ARHGAP23: variants seen among roughly 807,000 people sequenced by gnomAD.
ARHGAP23 encodes the protein Rho GTPase activating protein 23.
A neutral mutation model predicts 136.3 loss-of-function variants in ARHGAP23; 34 were observed. The observed-to-expected ratio is 0.25, with a 90% CI of 0.19 to 0.33. ARHGAP23 has a LOEUF of 0.33. Ranked by LOEUF, ARHGAP23 falls within the 10% of genes least tolerant of loss-of-function variation. The probability of loss-of-function intolerance (pLI) is 1.00; values close to 1 mark genes in which losing one functional copy is unlikely to be tolerated. For missense variants in ARHGAP23, 1,808 were observed against 2,139.0 expected (o/e 0.85, Z 3.05); for synonymous variants, 832 against 920.5 (o/e 0.90, Z 1.74).
chr17:38,453,207 G>A (rs889822436), intron 1 of ARHGAP23, among the ~76,000 whole-genome samples: 3 of 152,118 alleles, frequency 2.0e-5, no homozygotes, highest in Admixed American at 6.5e-5. Flanking sequence ...GATGTCTGAG[G>A]TGTGTGTATA....
intron 1 of ARHGAP23, among the ~76,000 whole-genome samples, chr17:38,443,705 TTTCA>T (rs1424615259): frequency 1.6e-4 from 24 of 150,994 alleles, no homozygotes; most frequent in Non-Finnish European, 3.3e-4. Context: ...GGGTGGGTGG[TTTCA>T]GGGGTGGGGC....
chr17:38,428,624 G>A (rs2038614381), intron 1 of ARHGAP23, 76 bp downstream of exon 1: 3 of 1,048,304 alleles, frequency 2.9e-6, no homozygotes, highest in Admixed American at 4.1e-5. Flanking sequence ...GGGTCGCTGC[G>A]ACCCCGCTCG....
intron 20 of ARHGAP23, among the ~76,000 whole-genome samples, chr17:38,492,883 T>C (rs1467425678): frequency 2.0e-5 from 3 of 152,110 alleles, no homozygotes; most frequent in Non-Finnish European, 2.9e-5. Flanking sequence ...CGTGAGGGTG[T>C]GTTTTGGGGG....
intron 1 of ARHGAP23, among the ~76,000 whole-genome samples, chr17:38,449,895 T>G (rs28698714): frequency 0.48 from 72,905 of 152,008 alleles, 19,392 homozygotes; most frequent in African/African-American, 0.72. Flanking sequence ...CTCACTTCCT[T>G]AACCACACGC....
At chr17:38,444,031 C>G (rs2038977640) in intron 1 of ARHGAP23, among the ~76,000 whole-genome samples, 1 of 152,144 alleles carries the variant, frequency 6.6e-6, no homozygotes, top group Admixed American at 6.5e-5. Context: ...TCCCCTGCCT[C>G]TAGGAATGAC....
intron 16 of ARHGAP23, among the ~76,000 whole-genome samples, 182 bp from the exon 17 acceptor site, chr17:38,485,880 G>GAGGGGC (rs1319382589): frequency 6.6e-6 from 1 of 152,218 alleles, no homozygotes. Context: ...AAGTGTGAGT[G>GAGGGGC]TGGGCACAGG....
At chr17:38,474,388 G>C (rs1055996471) in intron 11 of ARHGAP23, among the ~76,000 whole-genome samples, 1 of 152,196 alleles carries the variant, frequency 6.6e-6, no homozygotes, top group African/African-American at 2.4e-5. Context: ...AGAGATTCCA[G>C]GGGAAGGAGG....
chr17:38,475,896 T>C (rs948181663), intron 11 of ARHGAP23, among the ~76,000 whole-genome samples: 13 of 151,852 alleles, frequency 8.6e-5, no homozygotes, highest in African/African-American at 3.1e-4. Context: ...GGAGGTGACG[T>C]TGGTGATGCT....
At chr17:38,480,952 G>A (rs1451106339) in intron 14 of ARHGAP23, among the ~76,000 whole-genome samples, 1 of 151,884 alleles carries the variant, frequency 6.6e-6, no homozygotes, top group African/African-American at 2.4e-5. Context: ...GGGTAACATA[G>A]AAAGGTCCTA....
rs2040719107 is a variant in ARHGAP23, at chr17:38,510,016, C to G, written c.3520C>G (p.Arg1174Gly). The change falls in exon 24 of 24, where the codon CGC becomes GGC. Residue 1174 changes from arginine to glycine, a missense_variant. Physicochemically the swap from Arg to Gly is moderately radical, Grantham distance 125. Transcript: ENST00000622683. This position sits in a 1 kb window ranked among gnomAD's most constrained non-coding sequence, Gnocchi z 4.6. ...LAISFISAVN[R>G]KRKKRREARG... is the part of the protein sequence containing the mutation. ...GATCTCCTTCATCTCGGCCGTCAAC[C>G]GCAAGCGCAAGAAGCGGCGGGAGGC... 1.6e-6 allele frequency: 2 copies of G among 1,248,772 alleles called. No individual in the cohort carries two copies. Among genetic ancestry groups the G allele is most frequent in the South Asian group, 7.6e-5 (2 of 26,226 alleles). 77.4% of individuals were successfully genotyped at this position (1,248,772 alleles called of 1,614,324 possible).
At chr17:38,505,415 G>A (rs1028321206) in intron 23 of ARHGAP23, among the ~76,000 whole-genome samples, 1 of 151,786 alleles carries the variant, frequency 6.6e-6, no homozygotes, top group Non-Finnish European at 1.5e-5. Context: ...AATAATCCCC[G>A]AGCACCCCCA....
At chr17:38,506,979 GAAAA>G (rs2040647245) in intron 23 of ARHGAP23, among the ~76,000 whole-genome samples, 2 of 151,982 alleles carry the variant, frequency 1.3e-5, no homozygotes, top group South Asian at 4.1e-4. Context: ...CTGGACAAAA[GAAAA>G]AAAGGCTGTG....
chr17:38,434,476 C>A (rs1482971613), intron 1 of ARHGAP23, among the ~76,000 whole-genome samples: 2 of 152,168 alleles, frequency 1.3e-5, no homozygotes, highest in Admixed American at 6.5e-5. Flanking sequence ...GGAGGAGAGA[C>A]AGCATGGGGC....
Position 38,467,071 on chromosome 17 carries a change from C to T in ARHGAP23, c.1388C>T (p.Ser463Phe), listed in dbSNP as rs2039624452. 1 of 1,550,864 alleles carries T rather than the reference C, an allele frequency of 6.4e-7. No homozygotes were observed. The highest frequency in any genetic ancestry group is 1.2e-5 in the South Asian group (1 of 84,066). The change falls in exon 7 of 24, where the codon TCC becomes TTC. Residue 463 changes from serine to phenylalanine, a missense_variant. Coordinates refer to ENST00000622683, the MANE Select transcript of ARHGAP23 (RefSeq NM_001199417.2). ...CCTGCGTCATTCCCACCAGAGGCCT[C>T]CGAGCCACCCAGGGTTGTACGGCCG... ...QSPASFPPEA[S>F]EPPRVVRPEP...
At chr17:38,486,216 G>C (rs1426666912) in intron 17 of ARHGAP23, 76 bp downstream of exon 17, 1 of 1,320,818 alleles carries the variant, frequency 7.6e-7, no homozygotes, top group East Asian at 2.5e-5. Flanking sequence ...TTTGCATTTG[G>C]TTTGTTGGTT....
chr17:38,447,840 G>A (rs189578026), intron 1 of ARHGAP23, among the ~76,000 whole-genome samples: 2 of 152,390 alleles, frequency 1.3e-5, no homozygotes, highest in Non-Finnish European at 2.9e-5. Flanking sequence ...ATGCCAGCCT[G>A]CTGTTGCCTG....
At position 38,466,483 on chromosome 17, in the gene ARHGAP23, C is replaced by A. The variant is rs771929031; in HGVS notation, c.800C>A (p.Pro267His). 4 of 1,512,998 alleles carry A rather than the reference C, an allele frequency of 2.6e-6. No homozygotes were observed. Among genetic ancestry groups the A allele is most frequent in the South Asian group, 2.5e-5 (2 of 80,568 alleles). 93.7% of individuals were successfully genotyped at this position (1,512,998 alleles called of 1,614,324 possible). ...CACCTCTCCTCGGAGCCCCGGACGCCCCGTGCCTTCCCAGAGCCTGGCAGC... is the reference window on the plus strand; with the variant it reads ...CACCTCTCCTCGGAGCCCCGGACGCACCGTGCCTTCCCAGAGCCTGGCAGC... ...FPHLSSEPRTPRAFPEPGSRV... is the reference protein window; with the variant it reads ...FPHLSSEPRTHRAFPEPGSRV... Residue 267 changes from proline to histidine, a missense_variant, in exon 7 of 24, where the codon CCC becomes CAC. This residue lies in a region of ARHGAP23 where 859 missense variants were observed against 936.4 expected (regional missense o/e 0.92). Coordinates refer to ENST00000622683, the MANE Select transcript of ARHGAP23 (RefSeq NM_001199417.2).
At chr17:38,431,079 C>T (rs763709038) in intron 1 of ARHGAP23, among the ~76,000 whole-genome samples, 3 of 152,124 alleles carry the variant, frequency 2.0e-5, no homozygotes, top group Non-Finnish European at 4.4e-5. Flanking sequence ...AGGAATGTGG[C>T]AGTCTGGCTC....
At chr17:38,496,668 G>A (rs1460640958) in intron 20 of ARHGAP23, among the ~76,000 whole-genome samples, 4 of 152,002 alleles carry the variant, frequency 2.6e-5, no homozygotes, top group Non-Finnish European at 1.5e-5. Flanking sequence ...TCACTTAAGG[G>A]GTGATTAAAA....
Sources: gnomAD v4.1 joint callset for allele counts (sites outside exome capture counted in the v4.1 genomes callset) on GRCh38, gnomAD v4.1.1 for gene constraint, gnomAD v4.1.1 regional missense constraint, Gnocchi (gnomAD v3.1) non-coding constraint, MANE v1.5 for transcripts, NCBI Gene and HGNC (gene_info 2026-07-23, HGNC 2026-07-21) for gene names.